The following SNX18 variants were observed in gnomAD, a reference collection of about 807,000 sequenced individuals.
SNX18 encodes sorting nexin 18.
In SNX18, 35 loss-of-function variants were observed where a neutral mutation model predicts 48.7. The ratio of observed to expected loss-of-function variants is 0.72; its 90% CI spans 0.55 to 0.95. The LOEUF (loss-of-function observed/expected upper bound fraction) is 0.95, where lower values mean the gene tolerates loss of function less well. SNX18 is among the 40% of genes least tolerant of loss of function. SNX18 has a pLI of 0.00. For missense variants in SNX18, 824 were observed against 871.0 expected, an observed-to-expected ratio of 0.95 and a Z score of 0.68; for synonymous variants, 492 against 384.7, an observed-to-expected ratio of 1.28 and a Z score of -3.26.
In SNX18 at chr5:54,518,447, G is replaced by A; in HGVS notation, c.495G>A (p.Ala165=). The change falls in exon 1 of 2, where the codon GCG becomes GCA. Residue 165 remains alanine (A), a synonymous_variant. Transcript: ENST00000381410. ...AGTGGGACGACAGCTCCACGGTGGC[G>A]GACGAGCCGGGCGCTCTGGGCAGCG... ...DDEWDDSSTV[A]DEPGALGSGA... The A allele has an allele frequency of 6.4e-7, 1 of 1,573,034 alleles. No individual in the cohort carries two copies. Among genetic ancestry groups the A allele is most frequent in the Non-Finnish European group, 8.6e-7 (1 of 1,160,240 alleles).
chr5:54,579,590 G>A, the SNX18 span, among the ~76,000 whole-genome samples: 4 of 152,254 alleles, frequency 2.6e-5, no homozygotes, highest in South Asian at 2.1e-4. Context: ...AGAACAGTTC[G>A]AGCTTTTTGT....
chr5:54,637,803 A>G, the SNX18 span, among the ~76,000 whole-genome samples: 7 of 149,650 alleles, frequency 4.7e-5, no homozygotes, highest in African/African-American at 1.8e-4. Flanking sequence ...TGGAGGGGCC[A>G]TACTCTACAT....
the SNX18 span, among the ~76,000 whole-genome samples, chr5:54,631,415 T>A: frequency 6.6e-6 from 1 of 152,252 alleles, no homozygotes; most frequent in African/African-American, 2.4e-5. Context: ...TATATCATTA[T>A]AAAGGCTTCA....
the SNX18 span, among the ~76,000 whole-genome samples, chr5:54,553,948 T>C: frequency 6.6e-6 from 1 of 152,220 alleles, no homozygotes; most frequent in African/African-American, 2.4e-5. Context: ...CAGCAAACTT[T>C]AGCACACTGT....
chr5:54,622,887 T>A, the SNX18 span, among the ~76,000 whole-genome samples: 2 of 152,146 alleles, frequency 1.3e-5, no homozygotes, highest in African/African-American at 4.8e-5. Flanking sequence ...TTTCAGACTC[T>A]GGTTTGTCAT....
the SNX18 span, among the ~76,000 whole-genome samples, chr5:54,637,680 T>C: frequency 5.8e-4 from 89 of 152,220 alleles, no homozygotes; most frequent in African/African-American, 2.1e-3. Flanking sequence ...TGATAATTTA[T>C]TTTTTAAGCT....
the SNX18 span, chr5:54,644,011 CAAG>C: frequency 2.0e-5 from 3 of 152,214 alleles, no homozygotes; most frequent in East Asian, 1.9e-4. Context: ...TGGCACCAAG[CAAG>C]AAGAACAGCA....
chr5:54,636,293 T>G, the SNX18 span, among the ~76,000 whole-genome samples: 1 of 152,152 alleles, frequency 6.6e-6, no homozygotes, highest in Admixed American at 6.5e-5. Flanking sequence ...ACTTTTTCAT[T>G]TTCACAACCC....
the SNX18 span, among the ~76,000 whole-genome samples, chr5:54,597,084 C>G: frequency 1.3e-5 from 2 of 152,088 alleles, no homozygotes; most frequent in African/African-American, 4.8e-5. Context: ...TGGGAAACAG[C>G]AAAAAGCAGG....
chr5:54,623,309 A>C, the SNX18 span, among the ~76,000 whole-genome samples: 1 of 152,216 alleles, frequency 6.6e-6, no homozygotes. Context: ...AATCCTCCAG[A>C]ACATGTGCCA....
rs1761890247 is a variant in SNX18 at position 54,517,760 on chromosome 5, G to A, written c.-193G>A. 3 of 376,426 alleles carry A rather than the reference G, an allele frequency of 8.0e-6. No individual in the cohort carries two copies. The highest frequency in any genetic ancestry group is 5.4e-5 in the East Asian group (1 of 18,542). 23.3% of individuals were successfully genotyped at this position (376,426 alleles called of 1,614,324 possible). A position where few individuals can be genotyped will look rare whatever the true frequency, so the allele number is the denominator to read the frequency against. On this transcript the variant is annotated 5_prime_UTR_variant, in exon 1 of 2. Coordinates refer to ENST00000381410, the MANE Select transcript of SNX18 (RefSeq NM_001102575.2). Reference sequence around the variant, plus strand: ...GCGGCTGCGGCGGCCCAGCGCGGCAGTCGGCGCTGCGAAGTGGAGGCGCTG... The same window carrying A: ...GCGGCTGCGGCGGCCCAGCGCGGCAATCGGCGCTGCGAAGTGGAGGCGCTG...
chr5:54,560,916 C>G, the SNX18 span, among the ~76,000 whole-genome samples: 7 of 152,140 alleles, frequency 4.6e-5, no homozygotes, highest in Admixed American at 1.3e-4. Flanking sequence ...CTTGAGGGAA[C>G]CAGGCTGGTA....
chr5:54,618,226 T>C, the SNX18 span, among the ~76,000 whole-genome samples: 1 of 152,248 alleles, frequency 6.6e-6, no homozygotes, highest in African/African-American at 2.4e-5. Context: ...ATGTGTTTGC[T>C]TCCCCTTCTG....
the SNX18 span, among the ~76,000 whole-genome samples, chr5:54,642,396 C>G: frequency 6.7e-6 from 1 of 149,628 alleles, no homozygotes. Flanking sequence ...TTTTTTTTTG[C>G]TGTTTCACTG....
the SNX18 span, among the ~76,000 whole-genome samples, chr5:54,553,988 C>T: frequency 6.6e-6 from 1 of 152,198 alleles, no homozygotes; most frequent in Non-Finnish European, 1.5e-5. Flanking sequence ...CTTCCCATGC[C>T]CTAATGTGCA....
At chr5:54,525,441 C>T (rs1762113219) in intron 1 of SNX18, among the ~76,000 whole-genome samples, 1 of 152,028 alleles carries the variant, frequency 6.6e-6, no homozygotes, top group South Asian at 2.1e-4. Context: ...CTTATCATCC[C>T]TCCTGGCAAC....
chr5:54,595,645 C>A, the SNX18 span, among the ~76,000 whole-genome samples: 3 of 152,196 alleles, frequency 2.0e-5, no homozygotes, highest in East Asian at 1.9e-4. Context: ...CTCACCAGCA[C>A]CTGTTGTTTT....
the SNX18 span, among the ~76,000 whole-genome samples, chr5:54,622,028 A>G: frequency 6.6e-6 from 1 of 152,242 alleles, no homozygotes; most frequent in Non-Finnish European, 1.5e-5. Context: ...TGATTCTGGG[A>G]CGAACCAGAG....
At chr5:54,562,225 C>A in the SNX18 span, among the ~76,000 whole-genome samples, 1 of 152,064 alleles carries the variant, frequency 6.6e-6, no homozygotes, top group Non-Finnish European at 1.5e-5. Flanking sequence ...AGGTGACTTG[C>A]CAGAGGGCCA....
Sources: gnomAD v4.1 joint callset for allele counts (sites outside exome capture counted in the v4.1 genomes callset) on GRCh38, gnomAD v4.1.1 for gene constraint, MANE v1.5 for transcripts, NCBI Gene and HGNC (gene_info 2026-07-23, HGNC 2026-07-21) for gene names.